Variants in MARVELD2 observed in about 807,000 individuals in gnomAD.
The protein encoded by MARVELD2 is MARVEL domain containing 2, also known as MARVEL domain-containing protein 2.
In MARVELD2, 49 loss-of-function variants were observed where a neutral mutation model predicts 57.6. The observed-to-expected ratio is 0.85, with a 90% CI of 0.68 to 1.08. The LOEUF (loss-of-function observed/expected upper bound fraction) is 1.08, where lower values mean the gene tolerates loss of function less well. Ranked by LOEUF, MARVELD2 falls within the 50% of genes least tolerant of loss-of-function variation. The probability of loss-of-function intolerance (pLI) is 0.00; values close to 1 mark genes in which losing one functional copy is unlikely to be tolerated. For synonymous variants in MARVELD2, 238 were observed against 258.8 expected (o/e 0.92, Z 0.77); for missense variants, 606 against 701.1 (o/e 0.86, Z 1.53).
At chr5:69,415,292 G>T (rs1216235877) in intron 1 of MARVELD2, 122 bp downstream of exon 1, 2 of 152,222 alleles carry the variant, frequency 1.3e-5, no homozygotes, top group Non-Finnish European at 1.5e-5. Flanking sequence ...GCCCGCGGGG[G>T]AGGCCGGAGC....
At chr5:69,421,481 T>C (rs994370008) in intron 2 of MARVELD2, among the ~76,000 whole-genome samples, 1 of 152,212 alleles carries the variant, frequency 6.6e-6, no homozygotes, top group Non-Finnish European at 1.5e-5. Flanking sequence ...ACTATACAAT[T>C]GCACATGGTA....
At chr5:69,422,774 G>A (rs1360631900) in intron 2 of MARVELD2, among the ~76,000 whole-genome samples, 1 of 152,048 alleles carries the variant, frequency 6.6e-6, no homozygotes, top group African/African-American at 2.4e-5. Flanking sequence ...CGGCTCGGGG[G>A]CATCACGGAA....
At position 69,442,959 on chromosome 5, in the gene MARVELD2, G is replaced by A. The variant is rs1046846673; in HGVS notation, c.*1305G>A. The A allele has an allele frequency of 6.6e-6, 1 of 151,434 alleles. No homozygotes were observed. The highest frequency in any genetic ancestry group is 2.4e-5 in the African/African-American group (1 of 41,196). 9.4% of individuals were successfully genotyped at this position (151,434 alleles called of 1,614,324 possible). The stretch of plus-strand genomic sequence containing the variant: ...TTTTCCTGCCTCAGCCTCCCGAGTA[G>A]CTGGGACTACAGGCACCTGCCACCA... On this transcript the variant is annotated 3_prime_UTR_variant, in exon 7 of 7. Transcript: ENST00000325631.
intron 2 of MARVELD2, among the ~76,000 whole-genome samples, chr5:69,421,044 G>A (rs1766613104): frequency 6.6e-6 from 1 of 152,094 alleles, no homozygotes; most frequent in Non-Finnish European, 1.5e-5. Flanking sequence ...AGATTGAATT[G>A]TAATGAACAT....
At chr5:69,435,457 A>G (rs1767103623) in intron 5 of MARVELD2, among the ~76,000 whole-genome samples, 1 of 151,988 alleles carries the variant, frequency 6.6e-6, no homozygotes, top group African/African-American at 2.4e-5. Context: ...TCACCCCAAA[A>G]AGAAACCCTA....
intron 3 of MARVELD2, among the ~76,000 whole-genome samples, chr5:69,430,001 G>T (rs921310543): frequency 1.3e-5 from 2 of 152,006 alleles, no homozygotes; most frequent in African/African-American, 4.8e-5. Flanking sequence ...GACCTCCTGG[G>T]TTTAAGTAAT....
chr5:69,418,429 G>A (rs1393647284), intron 1 of MARVELD2, among the ~76,000 whole-genome samples: 1 of 152,140 alleles, frequency 6.6e-6, no homozygotes. Context: ...TTTTTGAGGT[G>A]GATTGAATAC....
chr5:69,419,955 A>G lies in MARVELD2; in HGVS notation c.570A>G (p.Ala190=), dbSNP rs1327385497. Residue 190 remains alanine, a synonymous_variant, in exon 2 of 7, where the codon GCA becomes GCG. Coordinates refer to ENST00000325631, the MANE Select transcript of MARVELD2 (RefSeq NM_001038603.3). ...GATACTCCTACATGAAGTCGTGGGC[A>G]GGCCTGCTGAGAATACTGGGTGTGG... ...NLRYSYMKSW[A]GLLRILGVVE... 1.2e-6 allele frequency: 2 copies of G among 1,614,060 alleles called. No homozygotes were observed. The highest frequency in any genetic ancestry group is 2.7e-5 in the African/African-American group (2 of 74,918).
chr5:69,432,174 C>T (rs577249234), intron 3 of MARVELD2, among the ~76,000 whole-genome samples: 1 of 152,202 alleles, frequency 6.6e-6, no homozygotes, highest in South Asian at 2.1e-4. Flanking sequence ...CCACTCCCAG[C>T]TAATTTTTGT....
rs1767201410 is a variant in MARVELD2 at position 69,437,754 on chromosome 5, T to C, written c.1504-2696T>C. ...GAGCCAACACCCAGTGGTATCTGGT[T>C]TGTGTGCTTTGTATGAATGGACAAG... On this transcript the variant is annotated intron_variant, in intron 5 of 6. Transcript: ENST00000325631. Among the ~76,000 whole-genome samples, 3 of 152,008 alleles carry C rather than the reference T, an allele frequency of 2.0e-5. No individual in the cohort carries two copies. The South Asian group carries it at 6.2e-4, about 32-fold the overall frequency.
At position 69,432,902 on chromosome 5, in the gene MARVELD2, G is replaced by A; in HGVS notation, c.1332-20G>A. The A allele has an allele frequency of 6.2e-7, 1 of 1,613,986 alleles. No individual in the cohort carries two copies. Among genetic ancestry groups the A allele is most frequent in the South Asian group, 1.1e-5 (1 of 91,082 alleles). ...CTTTTAGTGAAACAATTATATCTTT[G>A]GCTTATGTTTTTCCCCTAGAAAATA... On this transcript the variant is annotated intron_variant, in intron 4 of 6. Coordinates refer to ENST00000325631, the MANE Select transcript of MARVELD2 (RefSeq NM_001038603.3).
At position 69,419,996 on chromosome 5, in the gene MARVELD2, G is replaced by T; in HGVS notation, c.611G>T (p.Gly204Val). The change falls in exon 2 of 7, where the codon GGG becomes GTG. Residue 204 changes from glycine to valine, a missense_variant. Coordinates refer to ENST00000325631, the MANE Select transcript of MARVELD2 (RefSeq NM_001038603.3). ...RILGVVELLL[G>V]AGVFACVTAY... Reference sequence around the variant, plus strand: ...CTGGGTGTGGTGGAGCTGCTTTTGGGGGCCGGTGTCTTTGCTTGTGTCACA... The same window carrying T: ...CTGGGTGTGGTGGAGCTGCTTTTGGTGGCCGGTGTCTTTGCTTGTGTCACA... 1 of 1,614,088 alleles carries T rather than the reference G, an allele frequency of 6.2e-7. No homozygotes were observed. Among genetic ancestry groups the T allele is most frequent in the Non-Finnish European group, 8.5e-7 (1 of 1,180,020 alleles).
chr5:69,422,463 G>A (rs1447183438), intron 2 of MARVELD2, among the ~76,000 whole-genome samples: 1 of 152,140 alleles, frequency 6.6e-6, no homozygotes, highest in Non-Finnish European at 1.5e-5. Flanking sequence ...ATAAGCCCTG[G>A]TCTCCTGTAG....
At chr5:69,435,898 T>G (rs2150930001) in intron 5 of MARVELD2, among the ~76,000 whole-genome samples, 1 of 152,264 alleles carries the variant, frequency 6.6e-6, no homozygotes, top group Admixed American at 6.5e-5. Flanking sequence ...ATATCAATCT[T>G]TTGTGTCTGG....
At chr5:69,431,079 G>T (rs1381690806) in intron 3 of MARVELD2, among the ~76,000 whole-genome samples, 1 of 149,750 alleles carries the variant, frequency 6.7e-6, no homozygotes, top group East Asian at 2.0e-4. Context: ...ACACGTGTAA[G>T]CCCCTGCACC....
At chr5:69,439,695 A>C (rs1437917725) in intron 5 of MARVELD2, among the ~76,000 whole-genome samples, 1 of 151,720 alleles carries the variant, frequency 6.6e-6, no homozygotes, top group Non-Finnish European at 1.5e-5. Context: ...TGGGAGTTGC[A>C]GTGAGCTGAG....
intron 5 of MARVELD2, among the ~76,000 whole-genome samples, chr5:69,438,028 C>T (rs539522609): frequency 6.6e-6 from 1 of 152,174 alleles, no homozygotes; most frequent in Non-Finnish European, 1.5e-5. Context: ...TCCTTGGCCA[C>T]AGGCTGAGCT....
In MARVELD2 at chr5:69,420,146, C is replaced by T; in HGVS notation, c.761C>T (p.Pro254Leu). ...GGYYYTGPKT[P>L]FVLVVAGLAW... is the part of the protein sequence containing the mutation. ...TATTACTACACTGGCCCTAAGACCC[C>T]TTTTGTACTCGTGGTTGCTGGATTA... The change falls in exon 2 of 7, where the codon CCT becomes CTT. Residue 254 changes from proline to leucine, a missense_variant. Transcript: ENST00000325631. 6.2e-7 allele frequency: 1 copy of T among 1,614,100 alleles called. No individual in the cohort carries two copies. The highest frequency in any genetic ancestry group is 1.1e-5 in the South Asian group (1 of 91,076).
At chr5:69,426,792 C>T (rs1766808000) in intron 3 of MARVELD2, among the ~76,000 whole-genome samples, 1 of 152,172 alleles carries the variant, frequency 6.6e-6, no homozygotes, top group Non-Finnish European at 1.5e-5. Flanking sequence ...ACCTTAACCT[C>T]CCAAGTAGCT....
Sources: gnomAD v4.1 joint callset for allele counts (sites outside exome capture counted in the v4.1 genomes callset) on GRCh38, gnomAD v4.1.1 for gene constraint, MANE v1.5 for transcripts, NCBI Gene and HGNC (gene_info 2026-07-23, HGNC 2026-07-21) for gene names.